Variants in MASP2 observed in about 807,000 individuals in gnomAD.
MASP2 encodes MBL associated serine protease 2.
MASP2 carries 49 observed loss-of-function variants against 57.1 expected under a neutral mutation model. That is an observed-to-expected ratio of 0.86 (90% CI 0.68 to 1.09). The LOEUF (loss-of-function observed/expected upper bound fraction) is 1.09, where lower values mean the gene tolerates loss of function less well. MASP2 is among the 50% of genes least tolerant of loss of function. The pLI is 0.00. For synonymous variants in MASP2, 379 were observed against 340.8 expected (o/e 1.11, Z -1.24); for missense variants, 900 against 874.8 (o/e 1.03, Z -0.36).
intron 6 of MASP2, among the ~76,000 whole-genome samples, chr1:11,038,282 C>T (rs757151783): frequency 1.4e-4 from 21 of 152,162 alleles, no homozygotes; most frequent in African/African-American, 2.9e-4. Context: ...GGGCGGTTGA[C>T]GATAATAGTT....
chr1:11,042,185 AC>A (rs1638476586), intron 6 of MASP2, among the ~76,000 whole-genome samples: 1 of 102,736 alleles, frequency 9.7e-6, no homozygotes, highest in Non-Finnish European at 2.1e-5. Context: ...GACAGACAGG[AC>A]GATGGGTGTA....
intron 7 of MASP2, 25 bp from the exon 8 acceptor site, chr1:11,034,931 A>T: frequency 6.6e-7 from 1 of 1,510,730 alleles, no homozygotes; most frequent in Non-Finnish European, 9.1e-7. Flanking sequence ...AGAATATATT[A>T]ATTTCCTTGT....
At chr1:11,032,738 G>A (rs576322682) in intron 8 of MASP2, among the ~76,000 whole-genome samples, 3 of 152,024 alleles carry the variant, frequency 2.0e-5, no homozygotes, top group Non-Finnish European at 2.9e-5. Flanking sequence ...GTGAAACCTC[G>A]TCTCTACTAA....
intron 7 of MASP2, among the ~76,000 whole-genome samples, chr1:11,036,545 A>AG (rs1638243940): frequency 6.7e-6 from 1 of 148,668 alleles, no homozygotes; most frequent in African/African-American, 2.5e-5. Flanking sequence ...AAACAAAAAA[A>AG]AAAGAAACTA....
intron 8 of MASP2, among the ~76,000 whole-genome samples, chr1:11,032,029 G>A (rs1456286820): frequency 6.6e-6 from 1 of 152,112 alleles, no homozygotes; most frequent in African/African-American, 2.4e-5. Context: ...CAGCACTCAA[G>A]AGAGGCCAGG....
intron 5 of MASP2, 57 bp downstream of exon 5, chr1:11,043,282 G>A (rs1638516824): frequency 1.4e-6 from 2 of 1,438,056 alleles, no homozygotes; most frequent in Admixed American, 2.0e-5. Context: ...GAAGTAGGGG[G>A]TGCAGCTGGG....
chr1:11,034,931 A>G (rs745526197), intron 7 of MASP2, 25 bp from the exon 8 acceptor site: 1 of 1,510,730 alleles, frequency 6.6e-7, no homozygotes, highest in Non-Finnish European at 9.1e-7. Flanking sequence ...AGAATATATT[A>G]ATTTCCTTGT....
At chr1:11,036,514 AAAAAAAAAAAAAAAAAAAAAAAAC>A (rs1345943591) in intron 7 of MASP2, among the ~76,000 whole-genome samples, 2 of 129,124 alleles carry the variant, frequency 1.5e-5, no homozygotes, top group African/African-American at 8.0e-5. Context: ...CCGTCTCAAA[AAAAAAAAAAAAAAAAAAAAAAAAC>A]AAAAAAAAAA....
chr1:11,031,390 G>A (rs766064305), intron 8 of MASP2, among the ~76,000 whole-genome samples: 17 of 151,610 alleles, frequency 1.1e-4, no homozygotes, highest in Non-Finnish European at 2.4e-4. Context: ...TTAGCCAGGC[G>A]TGGTAGCGGG....
At chr1:11,032,163 G>A (rs1189587278) in intron 8 of MASP2, among the ~76,000 whole-genome samples, 1 of 152,152 alleles carries the variant, frequency 6.6e-6, no homozygotes, top group African/African-American at 2.4e-5. Flanking sequence ...TTGAGCCCGG[G>A]AGTTTGAGGG....
At chr1:11,028,882 T>G (rs899852114) in intron 10 of MASP2, among the ~76,000 whole-genome samples, 1 of 150,164 alleles carries the variant, frequency 6.7e-6, no homozygotes, top group African/African-American at 2.5e-5. Flanking sequence ...CCTGGCTAAT[T>G]TTTTGTATTT....
At chr1:11,040,502 T>C (rs1035000011) in intron 6 of MASP2, among the ~76,000 whole-genome samples, 1 of 111,740 alleles carries the variant, frequency 8.9e-6, no homozygotes, top group Non-Finnish European at 1.8e-5. Flanking sequence ...ATGGATAGGG[T>C]GGGTGGGTGA....
intron 4 of MASP2, among the ~76,000 whole-genome samples, chr1:11,044,288 C>T (rs1489781912): frequency 6.6e-6 from 1 of 152,144 alleles, no homozygotes; most frequent in Non-Finnish European, 1.5e-5. Context: ...CTGCCACGGG[C>T]GGGGTGTTGG....
Position 11,037,823 on chromosome 1 carries a change from A to C in MASP2, c.890-12T>G, listed in dbSNP as rs770029127. 2 of 1,553,404 alleles carry C rather than the reference A, an allele frequency of 1.3e-6. No individual in the cohort carries two copies. The highest frequency in any genetic ancestry group is 3.7e-5 in the Admixed American group (2 of 54,180). The stretch of plus-strand genomic sequence containing the variant: ...AGGGCAAGGCTGCGCTGCGCAGAGG[A>C]AACCAGGCTTGTTGGTTTTCATGTG... On this transcript the variant is annotated splice_polypyrimidine_tract_variant and intron_variant, in intron 6 of 10. Coordinates refer to ENST00000400897, the MANE Select transcript of MASP2 (RefSeq NM_006610.4).
At chr1:11,041,468 A>G (rs1638435817) in intron 6 of MASP2, among the ~76,000 whole-genome samples, 1 of 146,776 alleles carries the variant, frequency 6.8e-6, no homozygotes, top group Non-Finnish European at 1.5e-5. Context: ...GGGTGCATAG[A>G]TGGACAGCTG....
rs188050302 is a variant in MASP2, at chr1:11,038,276, G to T, written c.890-465C>A. 9.8e-5 allele frequency among the ~76,000 whole-genome samples: 15 copies of T among 152,300 alleles called. No individual in the cohort carries two copies. In the East Asian group the frequency reaches 2.7e-3, roughly 27 times the overall value. On this transcript the variant is annotated intron_variant, in intron 6 of 10. Transcript: ENST00000400897. ...TTTCTTCATCTGCAAGATGGGGGGCGGTTGACGATAATAGTTGCCCCAGGG... is the reference window on the plus strand; with the variant it reads ...TTTCTTCATCTGCAAGATGGGGGGCTGTTGACGATAATAGTTGCCCCAGGG...
In MASP2 at chr1:11,026,770, T is replaced by C; in HGVS notation, c.*115A>G. 1.2e-6 allele frequency: 1 copy of C among 848,590 alleles called. No individual in the cohort carries two copies. The highest frequency in any genetic ancestry group is 1.7e-6 in the Non-Finnish European group (1 of 592,014). 52.6% of individuals were successfully genotyped at this position (848,590 alleles called of 1,614,324 possible). On this transcript the variant is annotated 3_prime_UTR_variant, in exon 11 of 11. Transcript: ENST00000400897. ...CTCACCTGGAGTCTGTTTTTTTGGGTGGAGCAACAACTGCCATGTCCACAG... is the reference window on the plus strand; with the variant it reads ...CTCACCTGGAGTCTGTTTTTTTGGGCGGAGCAACAACTGCCATGTCCACAG...
Position 11,046,662 on chromosome 1 carries a change from G to C in MASP2, c.306C>G (p.Gly102=), listed in dbSNP as rs1256655254. The part of the protein sequence containing the change: ...QESTDTERAP[G]KDTFYSLGSS... ...AGCCCAGCGAGTAGAAAGTGTCCTT[G>C]CCAGGGGCCCGCTCCGTGTCTGTGC... is the stretch of plus-strand genomic sequence containing the variant. Residue 102 remains glycine (G), a synonymous_variant, in exon 3 of 11, where the codon GGC becomes GGG. Coordinates refer to ENST00000400897, the MANE Select transcript of MASP2 (RefSeq NM_006610.4). 3.7e-6 allele frequency: 6 copies of C among 1,613,456 alleles called. No individual in the cohort carries two copies. In the African/African-American group the frequency reaches 8.0e-5, roughly 22 times the overall value.
rs1488176321 is a variant in MASP2 at position 11,037,715 on chromosome 1, T to C, written c.986A>G (p.Glu329Gly). Residue 329 changes from glutamate to glycine, a missense_variant, in exon 7 of 11, where the codon GAG (glutamate) becomes GGG (glycine). Glu to Gly is a moderately conservative substitution (Grantham distance 98, BLOSUM62 -2). Coordinates refer to ENST00000400897, the MANE Select transcript of MASP2 (RefSeq NM_006610.4). ...CACTTGCAGAAGCTCATAGCCAGTC[T>C]CGCAAAAGATGGAGAAGCTGTCTTT... ...ILKDSFSIFC[E>G]TGYELLQGHL... 6.2e-7 allele frequency: 1 copy of C among 1,611,316 alleles called. No homozygotes were observed. Among genetic ancestry groups the C allele is most frequent in the Non-Finnish European group, 8.5e-7 (1 of 1,179,164 alleles).
Sources: allele counts gnomAD v4.1 joint callset (sites outside exome capture counted in the v4.1 genomes callset), GRCh38; gene constraint gnomAD v4.1.1; transcripts MANE v1.5; gene names NCBI Gene and HGNC (gene_info 2026-07-23, HGNC 2026-07-21).